Variants in RTL9 observed in about 807,000 individuals in gnomAD.
RTL9 encodes the protein retrotransposon Gag-like protein 9.
RTL9 carries 19 observed loss-of-function variants against 44.7 expected under a neutral mutation model. The ratio of observed to expected loss-of-function variants is 0.42; its 90% CI spans 0.30 to 0.62. RTL9 has a LOEUF of 0.62. Ranked by LOEUF, RTL9 falls within the 20% of genes least tolerant of loss-of-function variation. The pLI is 0.16. For missense variants in RTL9, 1,105 were observed against 1,080.6 expected (o/e 1.02, Z -0.32); for synonymous variants, 407 against 398.9 (o/e 1.02, Z -0.24).
At chrX:110,379,399 AT>A (rs1180194189) in intron 1 of RTL9, among the ~76,000 whole-genome samples, 1 of 112,216 alleles carries the variant, frequency 8.9e-6, no homozygotes, top group Non-Finnish European at 1.9e-5. Flanking sequence ...TGCTACCTTC[AT>A]TTTAAGAGAC....
chrX:110,371,369 C>A (rs1418134990), intron 1 of RTL9, among the ~76,000 whole-genome samples: 2 of 111,906 alleles, frequency 1.8e-5, no homozygotes. Context: ...GGTATCCATA[C>A]CCTCAAGCAT....
chrX:110,361,838 GCT>G (rs1252307627), intron 1 of RTL9, among the ~76,000 whole-genome samples: 2 of 111,987 alleles, frequency 1.8e-5, no homozygotes, highest in Non-Finnish European at 3.8e-5. Context: ...AATATTTTAG[GCT>G]TTGTGAGCCA....
In RTL9 at chrX:110,452,962, C is replaced by T. The variant is rs746785869; in HGVS notation, c.2345C>T (p.Ser782Leu). Residue 782 changes from serine to leucine, a missense_variant, in exon 1 of 2, where the codon TCA becomes TTA. By Grantham distance (145) the Ser-to-Leu change is moderately radical. Coordinates refer to ENST00000540313, the Ensembl canonical transcript of RTL9. ...ACCTCAGACCCTGGAGAGAGGCCCT[C>T]ACTGCTCACAAGAGCTTCATCCTCT... 9 of 1,211,865 alleles carry T rather than the reference C, an allele frequency of 7.4e-6. No individual in the cohort carries two copies. The Admixed American group carries it at 1.5e-4, about 20-fold the overall frequency.
rs187326810 is a variant in RTL9 at position 110,455,515 on chromosome X, C to T, written c.*194C>T. The T allele has an allele frequency of 3.6e-4, 159 of 437,690 alleles. No individual in the cohort carries two copies. The East Asian group carries it at 6.0e-3, about 17-fold the overall frequency. 36.1% of individuals were successfully genotyped at this position (437,690 alleles called of 1,213,427 possible). On this transcript the variant is annotated 3_prime_UTR_variant, in exon 2 of 2. Transcript: ENST00000540313. The stretch of plus-strand genomic sequence containing the variant: ...TTTCACCCACATGCCTAAGACCTGC[C>T]CTGACAATCAGAGTAGGGACTACAA...
At chrX:110,445,539 G>T (rs1463503477) in intron 2 of RTL9, among the ~76,000 whole-genome samples, 1 of 111,467 alleles carries the variant, frequency 9.0e-6, no homozygotes, top group Non-Finnish European at 1.9e-5. Flanking sequence ...GATCAAGGAA[G>T]GAAGAAGATC....
intron 1 of RTL9, among the ~76,000 whole-genome samples, chrX:110,363,312 G>A (rs1286236172): frequency 1.8e-5 from 2 of 111,924 alleles, no homozygotes; most frequent in East Asian, 5.6e-4. Context: ...AGGGAATAGG[G>A]CCACCAACTC....
chrX:110,386,482 T>C (rs1288558495), intron 1 of RTL9, among the ~76,000 whole-genome samples: 1 of 111,405 alleles, frequency 9.0e-6, no homozygotes, highest in African/African-American at 3.3e-5. Context: ...CATTCTTATG[T>C]CTACTTTGGA....
intron 1 of RTL9, chrX:110,426,919 T>C (rs1479729246): frequency 8.9e-6 from 1 of 112,491 alleles, no homozygotes; most frequent in Non-Finnish European, 1.9e-5. Flanking sequence ...CTAAGCCTGG[T>C]AACACATTTA....
chrX:110,362,853 T>C (rs919387343), intron 1 of RTL9, among the ~76,000 whole-genome samples: 1 of 112,087 alleles, frequency 8.9e-6, no homozygotes, highest in African/African-American at 3.2e-5. Context: ...GTATGTGGTA[T>C]TGTGCTGGGG....
At chrX:110,372,180 T>C (rs1255583649) in intron 1 of RTL9, among the ~76,000 whole-genome samples, 1 of 112,388 alleles carries the variant, frequency 8.9e-6, no homozygotes, top group Non-Finnish European at 1.9e-5. Flanking sequence ...TATTCGTTAT[T>C]GTTTCCTGGC....
intron 1 of RTL9, among the ~76,000 whole-genome samples, chrX:110,369,882 T>C (rs761886136): frequency 4.5e-5 from 5 of 111,857 alleles, no homozygotes; most frequent in South Asian, 7.6e-4. Context: ...AGTCCATATA[T>C]GGGTTTCAAT....
exon 1 of RTL9, chrX:110,451,218 G>A (rs767484039): frequency 8.3e-7 from 1 of 1,210,245 alleles, no homozygotes; most frequent in African/African-American, 1.7e-5. Flanking sequence ...CCCAGATTCT[G>A]GAGAGTTATC....
In RTL9 at chrX:110,434,971, C is replaced by T; in HGVS notation, c.-167-10182C>T. Among the ~76,000 whole-genome samples, 3 of 108,419 alleles carry T rather than the reference C, an allele frequency of 2.8e-5. 1 individual carries two copies. In the Middle Eastern group the frequency reaches 0.014, roughly 514 times the overall value. The allele number at this position is 108,419 out of a possible 115,157, so 94.1% of individuals were successfully genotyped here. On this transcript the variant is annotated intron_variant, in intron 1 of 3. Transcript: ENST00000465301. ...CTTCCCAGAAACATCATCCCTTTCCCCTCATGATCATGGTCCTTGTTCCAG... is the reference window on the plus strand; with the variant it reads ...CTTCCCAGAAACATCATCCCTTTCCTCTCATGATCATGGTCCTTGTTCCAG...
intron 1 of RTL9, among the ~76,000 whole-genome samples, chrX:110,396,654 CCT>C (rs2068530934): frequency 8.9e-6 from 1 of 112,100 alleles, no homozygotes; most frequent in South Asian, 3.7e-4. Flanking sequence ...TTCCCCTCTC[CCT>C]GTTTTACAAA....
upstream of RTL9, among the ~76,000 whole-genome samples, chrX:110,415,618 G>A (rs1025321462): frequency 1.8e-5 from 2 of 111,272 alleles, no homozygotes; most frequent in African/African-American, 6.5e-5. Context: ...TCTGACTCAG[G>A]TTTGCATGGT....
exon 1 of RTL9, chrX:110,450,927 C>T (rs2068935614): frequency 8.3e-7 from 1 of 1,211,917 alleles, no homozygotes; most frequent in Non-Finnish European, 1.1e-6. Flanking sequence ...TTCCCCATTG[C>T]TAATGCCAGC....
intron 1 of RTL9, among the ~76,000 whole-genome samples, chrX:110,425,886 C>A (rs188684523): frequency 2.4e-4 from 27 of 112,442 alleles, no homozygotes; most frequent in East Asian, 8.4e-4. Context: ...CAAATGTATT[C>A]ATTTCATTTC....
intron 1 of RTL9, among the ~76,000 whole-genome samples, chrX:110,363,554 C>T (rs780410683): frequency 9.0e-5 from 10 of 111,626 alleles, no homozygotes; most frequent in African/African-American, 1.3e-4. Flanking sequence ...ATAACTAAGA[C>T]GGGGTTCATG....
exon 1 of RTL9, chrX:110,452,989 G>C (rs776676310): frequency 8.3e-7 from 1 of 1,211,542 alleles, no homozygotes; most frequent in Non-Finnish European, 1.1e-6. Context: ...TCATCCTCTG[G>C]AGAGATGTCC....
Sources: allele counts gnomAD v4.1 joint callset (sites outside exome capture counted in the v4.1 genomes callset), GRCh38; gene constraint gnomAD v4.1.1; transcripts MANE v1.5; gene names NCBI Gene and HGNC (gene_info 2026-07-23, HGNC 2026-07-21).